DOCK4: variants seen among roughly 807,000 people sequenced by gnomAD.
DOCK4 encodes dedicator of cytokinesis protein 4.
In DOCK4, 97 loss-of-function variants were observed where a neutral mutation model predicts 268.1. That is an observed-to-expected ratio of 0.36 (90% CI 0.31 to 0.43). DOCK4 has a LOEUF of 0.43. DOCK4 is among the 20% of genes least tolerant of loss of function. The pLI, the probability that DOCK4 is intolerant of heterozygous loss-of-function variation, is 1.00. For missense variants in DOCK4, 2,145 were observed against 2,455.7 expected (o/e 0.87, Z 2.67); for synonymous variants, 954 against 887.2 (o/e 1.08, Z -1.34).
intron 47 of DOCK4, chr7:111,739,730 C>T (rs1214146046): frequency 2.1e-6 from 1 of 485,408 alleles, no homozygotes. Context: ...TACCAGTTAG[C>T]AGTGCATTCC....
chr7:112,036,566 A>G (rs1246659969), intron 1 of DOCK4, among the ~76,000 whole-genome samples: 1 of 152,146 alleles, frequency 6.6e-6, no homozygotes, highest in East Asian at 1.9e-4. Flanking sequence ...ATATATAACA[A>G]AGGGTACGGA....
intron 5 of DOCK4, among the ~76,000 whole-genome samples, chr7:111,992,235 A>G (rs554818941): frequency 3.9e-5 from 6 of 152,296 alleles, no homozygotes; most frequent in Middle Eastern, 3.4e-3. Flanking sequence ...ATTGCTAACA[A>G]TTTATAAAAT....
At chr7:111,911,155 C>T (rs1453684723) in intron 13 of DOCK4, among the ~76,000 whole-genome samples, 1 of 152,054 alleles carries the variant, frequency 6.6e-6, no homozygotes, top group African/African-American at 2.4e-5. Flanking sequence ...TATCAGAATG[C>T]TAAAGATGCA....
Position 111,934,523 on chromosome 7 carries a change from G to GTTTTTTT in DOCK4, c.1066+1010_1066+1016dup, listed in dbSNP as rs1183672033. ...GCGAAGCATGTTTTGTTTTGTTTTT[G>GTTTTTTT]TTTTTTTTTTTTTTTTTTTTTTTTT... On this transcript the variant is annotated intron_variant, in intron 12 of 52. Transcript: ENST00000428084. Among the ~76,000 whole-genome samples, 144 of 83,824 alleles carry GTTTTTTT rather than the reference G, an allele frequency of 1.7e-3. 1 individual carries two copies. Among genetic ancestry groups the GTTTTTTT allele is most frequent in the Non-Finnish European group, 2.0e-3 (75 of 37,658 alleles). The allele number at this position is 83,824 out of a possible 152,430, so 55.0% of individuals were successfully genotyped here. A position where few individuals can be genotyped will look rare whatever the true frequency, so the allele number is the denominator to read the frequency against.
Position 112,047,184 on chromosome 7 carries a change from A to C in DOCK4, c.38-43053T>G, listed in dbSNP as rs561672482. Among the ~76,000 whole-genome samples the C allele has an allele frequency of 1.2e-4, 18 of 152,308 alleles. No homozygotes were observed. The East Asian group carries it at 3.5e-3, about 29-fold the overall frequency. On this transcript the variant is annotated intron_variant, in intron 1 of 52. Coordinates refer to ENST00000428084, the MANE Select transcript of DOCK4 (RefSeq NM_001363540.2). ...TTAAGGCAAAAGTAACCCTAGACTAAATGATACTCTGCCCCAACTAACAAA... is the reference window on the plus strand; with the variant it reads ...TTAAGGCAAAAGTAACCCTAGACTACATGATACTCTGCCCCAACTAACAAA...
Position 112,004,110 on chromosome 7 carries a change from G to C in DOCK4, c.59C>G (p.Thr20Ser), listed in dbSNP as rs1248948178. 4 of 1,596,560 alleles carry C rather than the reference G, an allele frequency of 2.5e-6. No individual in the cohort carries two copies. The highest frequency in any genetic ancestry group is 3.4e-6 in the Non-Finnish European group (4 of 1,171,020). ...YGVVIASFRG[T>S]VPYGLSLEIG... is the part of the protein sequence containing the mutation. Reference sequence around the variant, plus strand: ...TTCCAATGACAGGCCATATGGAACGGTTCCTCGGAAACTGGCAATAACTGT... The same window carrying C: ...TTCCAATGACAGGCCATATGGAACGCTTCCTCGGAAACTGGCAATAACTGT... Residue 20 changes from threonine to serine, a missense_variant, in exon 2 of 53, where the codon ACC (threonine) becomes AGC (serine). Thr to Ser is a moderately conservative substitution (Grantham distance 58). This residue lies in a region of DOCK4 where 1,598 missense variants were observed against 1,986.7 expected (regional missense o/e 0.80). Coordinates refer to ENST00000428084, the MANE Select transcript of DOCK4 (RefSeq NM_001363540.2).
At chr7:111,900,284 C>A in intron 15 of DOCK4, 90 bp downstream of exon 15, 1 of 1,423,440 alleles carries the variant, frequency 7.0e-7, no homozygotes, top group Non-Finnish European at 9.5e-7. Flanking sequence ...AAGTAATCAA[C>A]TTAAGATCAA....
Position 111,778,373 on chromosome 7 carries a change from T to C in DOCK4, c.3586-4A>G. ...TCAGTTCAGTCTTATAGAAGTTCTG[T>C]AAAAAAAGAGTACAGGTATGGATAG... On this transcript the variant is annotated splice_region_variant and splice_polypyrimidine_tract_variant and intron_variant, in intron 35 of 52. Transcript: ENST00000428084. The C allele has an allele frequency of 1.3e-6, 2 of 1,593,874 alleles. No individual in the cohort carries two copies. Among genetic ancestry groups the C allele is most frequent in the East Asian group, 2.2e-5 (1 of 44,600 alleles).
intron 51 of DOCK4, among the ~76,000 whole-genome samples, chr7:111,733,277 A>G (rs189110237): frequency 6.6e-6 from 1 of 152,232 alleles, no homozygotes; most frequent in Non-Finnish European, 1.5e-5. Context: ...CCATGAGAGC[A>G]ATCAGTGCAG....
intron 52 of DOCK4, among the ~76,000 whole-genome samples, chr7:111,730,419 C>T (rs1306002098): frequency 1.3e-5 from 2 of 152,150 alleles, no homozygotes; most frequent in African/African-American, 4.8e-5. Flanking sequence ...GAAATGCTAT[C>T]TTCTTAAGCT....
chr7:112,106,521 C>T (rs1811158852), intron 1 of DOCK4, among the ~76,000 whole-genome samples: 1 of 152,266 alleles, frequency 6.6e-6, no homozygotes, highest in Non-Finnish European at 1.5e-5. Flanking sequence ...CAGGAATCTA[C>T]ACCACGGTGG....
At chr7:111,799,288 C>T (rs1403151096) in intron 30 of DOCK4, among the ~76,000 whole-genome samples, 3 of 152,206 alleles carry the variant, frequency 2.0e-5, no homozygotes, top group Admixed American at 1.3e-4. Flanking sequence ...TAAAACTTAT[C>T]AATGTGCTCA....
At chr7:112,139,564 T>G (rs1052677261) in intron 1 of DOCK4, among the ~76,000 whole-genome samples, 10 of 152,304 alleles carry the variant, frequency 6.6e-5, no homozygotes, top group Admixed American at 3.3e-4. Flanking sequence ...TAATCTAAAA[T>G]GAGAGGGAAC....
At position 111,900,545 on chromosome 7, in the gene DOCK4, G is replaced by A. The variant is rs756084222; in HGVS notation, c.1318-9C>T. 2.5e-6 allele frequency: 4 copies of A among 1,607,368 alleles called. No homozygotes were observed. The East Asian group carries it at 6.7e-5, about 27-fold the overall frequency. On this transcript the variant is annotated splice_polypyrimidine_tract_variant and intron_variant, in intron 14 of 52. Transcript: ENST00000428084. ...CCGAAGGAGATAAAATCCTAACAAA[G>A]GGAAGAACACACAGGTTAAAGAGAG... is the stretch of plus-strand genomic sequence containing the variant.
intron 1 of DOCK4, among the ~76,000 whole-genome samples, chr7:112,058,481 T>G (rs999266880): frequency 6.6e-6 from 1 of 152,214 alleles, no homozygotes; most frequent in Non-Finnish European, 1.5e-5. Flanking sequence ...CTGATATGTC[T>G]TTCCAGCCCT....
chr7:111,782,766 C>T, intron 35 of DOCK4, 98 bp downstream of exon 35: 1 of 1,207,288 alleles, frequency 8.3e-7, no homozygotes, highest in Non-Finnish European at 1.2e-6. Flanking sequence ...TTCTAAGAAA[C>T]ATCACATTGC....
At chr7:111,980,761 T>A (rs546409644) in intron 7 of DOCK4, among the ~76,000 whole-genome samples, 1 of 152,152 alleles carries the variant, frequency 6.6e-6, no homozygotes, top group Admixed American at 6.5e-5. Context: ...TGGGTTGAAA[T>A]TGCATGTGAG....
In DOCK4 at chr7:111,760,290, G is replaced by A. The variant is rs137868719; in HGVS notation, c.4053C>T (p.Tyr1351=). The A allele has an allele frequency of 5.0e-5, 81 of 1,613,892 alleles. 1 individual carries two copies. The African/African-American group carries it at 6.5e-4, about 13-fold the overall frequency. The change falls in exon 40 of 53, where the codon TAC becomes TAT. Residue 1351 remains tyrosine (Y), a synonymous_variant. Coordinates refer to ENST00000428084, the MANE Select transcript of DOCK4 (RefSeq NM_001363540.2). ...TCTGTTGGAAGGCTTCCAGCCTCTCGTAGTCATGCCCTCGACACACAAACT... is the reference window on the plus strand; with the variant it reads ...TCTGTTGGAAGGCTTCCAGCCTCTCATAGTCATGCCCTCGACACACAAACT... ...NKEFVCRGHD[Y]ERLEAFQQRM...
Position 111,781,104 on chromosome 7 carries a change from T to G in DOCK4, c.3585+1760A>C, listed in dbSNP as rs536445051. Among the ~76,000 whole-genome samples the G allele has an allele frequency of 1.1e-4, 17 of 152,286 alleles. 1 individual carries two copies. In the South Asian group the frequency reaches 3.5e-3, roughly 32 times the overall value. ...AAGTGATCTCTTCTTTTATACCAAT[T>G]GTGGAAATGAACATAAGGTCTATAT... On this transcript the variant is annotated intron_variant, in intron 35 of 52. Transcript: ENST00000428084.
Sources: allele counts gnomAD v4.1 joint callset (sites outside exome capture counted in the v4.1 genomes callset), GRCh38; gene constraint gnomAD v4.1.1; regional missense constraint gnomAD v4.1.1; transcripts MANE v1.5; gene names NCBI Gene and HGNC (gene_info 2026-07-23, HGNC 2026-07-21).